APOBEC2: variants seen among roughly 807,000 people sequenced by gnomAD.
The protein encoded by APOBEC2 is C->U-editing enzyme APOBEC-2.
APOBEC2 carries 14 observed loss-of-function variants against 19.4 expected under a neutral mutation model. The ratio of observed to expected loss-of-function variants is 0.72; its 90% CI spans 0.48 to 1.13. APOBEC2 has a LOEUF of 1.13. Among genes scored for constraint, APOBEC2 ranks in the 50% most tolerant of loss-of-function variants. The pLI is 0.00. For missense variants in APOBEC2, 304 were observed against 277.0 expected, an observed-to-expected ratio of 1.10 and a Z score of -0.69; for synonymous variants, 127 against 112.1, an observed-to-expected ratio of 1.13 and a Z score of -0.84.
rs1762872361 is a variant in APOBEC2 at position 41,061,515 on chromosome 6, A to T, written c.319A>T (p.Ile107Phe). 6.2e-7 allele frequency: 1 copy of T among 1,613,956 alleles called. No individual in the cohort carries two copies. Among genetic ancestry groups the T allele is most frequent in the Admixed American group, 1.7e-5 (1 of 60,004 alleles). ...AHAEEAFFNT[I>F]LPAFDPALRY... ...TGCAGAGGAAGCTTTCTTCAACACCATCCTGCCAGCCTTCGACCCAGCCCT... is the reference window on the plus strand; with the variant it reads ...TGCAGAGGAAGCTTTCTTCAACACCTTCCTGCCAGCCTTCGACCCAGCCCT... Residue 107 changes from isoleucine (I) to phenylalanine (F), a missense_variant, in exon 2 of 3, where the codon ATC becomes TTC. Physicochemically the swap from Ile to Phe is conservative, Grantham distance 21. Transcript: ENST00000244669.
At chr6:41,062,311 C>T (rs1339315508) in intron 2 of APOBEC2, among the ~76,000 whole-genome samples, 1 of 152,232 alleles carries the variant, frequency 6.6e-6, no homozygotes, top group African/African-American at 2.4e-5. Flanking sequence ...ACTCCCATAT[C>T]CACTGGCAAT....
chr6:41,053,359 G>T lies in APOBEC2; in HGVS notation c.12G>T (p.Lys4Asn). 1 of 1,613,508 alleles carries T rather than the reference G, an allele frequency of 6.2e-7. No individual in the cohort carries two copies. The highest frequency in any genetic ancestry group is 8.5e-7 in the Non-Finnish European group (1 of 1,179,978). The change falls in exon 1 of 3, where the codon AAG becomes AAT. Residue 4 changes from lysine to asparagine, a missense_variant. Physicochemically the swap from Lys to Asn is moderately conservative, Grantham distance 94. Coordinates refer to ENST00000244669, the MANE Select transcript of APOBEC2 (RefSeq NM_006789.4). The part of the protein sequence containing the change: MAQ[K>N]EEAAVATEAA... ...GCCACAGCCCCTCCATGGCCCAGAA[G>T]GAAGAGGCTGCTGTGGCCACTGAGG... is the stretch of plus-strand genomic sequence containing the variant.
intron 1 of APOBEC2, among the ~76,000 whole-genome samples, chr6:41,058,364 C>A (rs1285969458): frequency 6.7e-6 from 1 of 148,868 alleles, no homozygotes; most frequent in African/African-American, 2.5e-5. Context: ...CTACCAGCAT[C>A]TCTCTACTGA....
chr6:41,061,909 C>G lies in APOBEC2; in HGVS notation c.*21+17C>G. 6.3e-7 allele frequency: 1 copy of G among 1,582,070 alleles called. No homozygotes were observed. The highest frequency in any genetic ancestry group is 8.6e-7 in the Non-Finnish European group (1 of 1,165,608). On this transcript the variant is annotated intron_variant, in intron 2 of 2. Transcript: ENST00000244669. ...TTGCCTCACGTGAGTTTTCCTGGTG[C>G]CATGGCACCAACACTTTATTATGTT...
intron 1 of APOBEC2, among the ~76,000 whole-genome samples, chr6:41,058,357 C>T (rs894755148): frequency 6.9e-6 from 1 of 145,048 alleles, no homozygotes; most frequent in African/African-American, 2.6e-5. Context: ...AAATCTACTA[C>T]CAGCATCTCT....
chr6:41,055,138 T>C (rs1762778332), intron 1 of APOBEC2, among the ~76,000 whole-genome samples: 1 of 152,208 alleles, frequency 6.6e-6, no homozygotes, highest in Admixed American at 6.5e-5. Flanking sequence ...GATTGAATGG[T>C]ATGTCCAAAA....
In APOBEC2 at chr6:41,064,686, G is replaced by A. The variant is rs184241218; in HGVS notation, c.*607G>A. ...TACAGACTTCTTACGACAATCAAGTGAGGGCCTTTCCCTTCTCTGAAGGCA... is the reference window on the plus strand; with the variant it reads ...TACAGACTTCTTACGACAATCAAGTAAGGGCCTTTCCCTTCTCTGAAGGCA... On this transcript the variant is annotated 3_prime_UTR_variant, in exon 3 of 3. Transcript: ENST00000244669. 6.6e-6 allele frequency: 1 copy of A among 152,290 alleles called. No individual in the cohort carries two copies. Among genetic ancestry groups the A allele is most frequent in the East Asian group, 1.9e-4 (1 of 5,176 alleles). 9.4% of individuals were successfully genotyped at this position (152,290 alleles called of 1,614,324 possible). A position where few individuals can be genotyped will look rare whatever the true frequency, so the allele number is the denominator to read the frequency against.
intron 1 of APOBEC2, among the ~76,000 whole-genome samples, chr6:41,055,018 T>C (rs1026569034): frequency 1.7e-4 from 26 of 152,188 alleles, no homozygotes; most frequent in Non-Finnish European, 4.4e-5. Flanking sequence ...CAGGGCTTTA[T>C]AATCACAACA....
intron 2 of APOBEC2, among the ~76,000 whole-genome samples, chr6:41,063,409 T>A (rs1448905189): frequency 6.6e-6 from 1 of 152,192 alleles, no homozygotes; most frequent in African/African-American, 2.4e-5. Flanking sequence ...ACTATCACTG[T>A]AATTATAAAC....
chr6:41,061,255 T>C, intron 1 of APOBEC2, 73 bp from the exon 2 acceptor site: 1 of 1,312,270 alleles, frequency 7.6e-7, no homozygotes, highest in Non-Finnish European at 1.0e-6. Context: ...CTGGAAGAGC[T>C]ACCTACTCTA....
At chr6:41,055,648 G>C (rs995817478) in intron 1 of APOBEC2, among the ~76,000 whole-genome samples, 1 of 152,198 alleles carries the variant, frequency 6.6e-6, no homozygotes, top group African/African-American at 2.4e-5. Flanking sequence ...TCCGGAAACA[G>C]TCCGACATGA....
chr6:41,056,897 A>G (rs1261964735), intron 1 of APOBEC2, among the ~76,000 whole-genome samples: 2 of 152,136 alleles, frequency 1.3e-5, no homozygotes, highest in African/African-American at 4.8e-5. Flanking sequence ...TTTAGGTAAG[A>G]ATTCCCCTGG....
intron 2 of APOBEC2, 63 bp downstream of exon 2, chr6:41,061,955 G>A (rs1419911367): frequency 8.4e-6 from 12 of 1,424,332 alleles, no homozygotes; most frequent in South Asian, 1.4e-5. Flanking sequence ...GAAGGTGTGA[G>A]GTCAGGTAGA....
At chr6:41,061,238 T>C in intron 1 of APOBEC2, 90 bp from the exon 2 acceptor site, 2 of 1,071,154 alleles carry the variant, frequency 1.9e-6, no homozygotes, top group Non-Finnish European at 2.6e-6. Flanking sequence ...ATTTCTGAAG[T>C]ACTGACCTGG....
At position 41,053,394 on chromosome 6, in the gene APOBEC2, A is replaced by G. The variant is rs762693609; in HGVS notation, c.47A>G (p.Gln16Arg). 1.2e-6 allele frequency: 2 copies of G among 1,614,090 alleles called. No homozygotes were observed. Among genetic ancestry groups the G allele is most frequent in the Non-Finnish European group, 1.7e-6 (2 of 1,180,014 alleles). The change falls in exon 1 of 3, where the codon CAG becomes CGG. Residue 16 changes from glutamine (Q) to arginine (R), a missense_variant. Physicochemically the swap from Gln to Arg is conservative, Grantham distance 43 (BLOSUM62 1). Transcript: ENST00000244669. ...GCTGTGGCCACTGAGGCTGCCTCCC[A>G]GAATGGGGAGGATCTGGAGAACCTG... ...EAAVATEAAS[Q>R]NGEDLENLDD...
At chr6:41,057,510 A>C (rs1762810947) in intron 1 of APOBEC2, among the ~76,000 whole-genome samples, 2 of 152,106 alleles carry the variant, frequency 1.3e-5, no homozygotes, top group Admixed American at 1.3e-4. Flanking sequence ...AGGCTGCTAG[A>C]ACCCTCTGCT....
At chr6:41,059,811 C>T (rs910169740) in intron 1 of APOBEC2, among the ~76,000 whole-genome samples, 7 of 152,166 alleles carry the variant, frequency 4.6e-5, no homozygotes, top group African/African-American at 1.2e-4. Flanking sequence ...CCTGGGATAC[C>T]AGGGATTCCC....
rs934831484 is a variant in APOBEC2, at chr6:41,064,428, G to A, written c.*349G>A. 2.6e-5 allele frequency: 4 copies of A among 152,140 alleles called. No individual in the cohort carries two copies. The highest frequency in any genetic ancestry group is 9.7e-5 in the African/African-American group (4 of 41,420). The allele number at this position is 152,140 out of a possible 1,614,324, so 9.4% of individuals were successfully genotyped here. A position where few individuals can be genotyped will look rare whatever the true frequency, so the allele number is the denominator to read the frequency against. ...CAAACAGCCTCAGACCCGAGGTTTA[G>A]ATTTCTGAAATATGCATTTTATGTT... On this transcript the variant is annotated 3_prime_UTR_variant, in exon 3 of 3. Coordinates refer to ENST00000244669, the MANE Select transcript of APOBEC2 (RefSeq NM_006789.4).
chr6:41,061,211 A>C, intron 1 of APOBEC2, 117 bp from the exon 2 acceptor site: 1 of 432,364 alleles, frequency 2.3e-6, no homozygotes, highest in Non-Finnish European at 3.6e-6. Flanking sequence ...AGACCTATTT[A>C]TAGTAAGAGT....
Sources: allele counts gnomAD v4.1 joint callset (sites outside exome capture counted in the v4.1 genomes callset), GRCh38; gene constraint gnomAD v4.1.1; transcripts MANE v1.5; gene names NCBI Gene and HGNC (gene_info 2026-07-23, HGNC 2026-07-21).